Variants in SKIC2 observed in about 807,000 individuals in gnomAD.
SKIC2 encodes superkiller complex protein 2.
At chr6:31,961,196 A>G in the SKIC2 span, 1 of 1,614,070 alleles carries the variant, frequency 6.2e-7, no homozygotes, top group Non-Finnish European at 8.5e-7. Context: ...TGCTCCTCAG[A>G]TTGTCCAACT....
chr6:31,961,175 C>A, the SKIC2 span: 1 of 1,613,380 alleles, frequency 6.2e-7, no homozygotes, highest in Admixed American at 1.7e-5. Context: ...ACAAGGTTGA[C>A]CTTGTTGGCT....
chr6:31,965,727 TGG>T, the SKIC2 span: 2 of 1,080,530 alleles, frequency 1.9e-6, no homozygotes, highest in Non-Finnish European at 2.8e-6. The surrounding 1 kb of genome is among the most constrained non-coding windows in gnomAD (Gnocchi z 5.6). Context: ...TGGCCAGGGC[TGG>T]GGGTGTGTGT....
the SKIC2 span, chr6:31,968,891 T>C: frequency 0.73 from 1,174,216 of 1,612,252 alleles, 434,101 homozygotes; most frequent in African/African-American, 0.92. This position sits in a 1 kb window ranked among gnomAD's most constrained non-coding sequence, Gnocchi z 6.1. Flanking sequence ...CCCTGGGTTA[T>C]GTGGACGAGG....
chr6:31,969,328 G>A, the SKIC2 span: 3 of 1,614,244 alleles, frequency 1.9e-6, no homozygotes, highest in South Asian at 1.1e-5. This position sits in a 1 kb window ranked among gnomAD's most constrained non-coding sequence, Gnocchi z 6.1. Flanking sequence ...TGAGGTCCAG[G>A]TGGCTTGTGG....
the SKIC2 span, chr6:31,967,851 TC>T: frequency 6.2e-7 from 1 of 1,612,972 alleles, no homozygotes; most frequent in Non-Finnish European, 8.5e-7. This position sits in a 1 kb window ranked among gnomAD's most constrained non-coding sequence, Gnocchi z 4.9. Context: ...TTCAAGCTGT[TC>T]CTGCCTGAAG....
the SKIC2 span, chr6:31,960,829 A>G: frequency 9.2e-7 from 1 of 1,087,406 alleles, no homozygotes; most frequent in South Asian, 1.5e-5. Context: ...TTTTGAGAAA[A>G]TTAGAAAAAG....
chr6:31,963,276 A>C, the SKIC2 span: 2 of 888,658 alleles, frequency 2.3e-6, no homozygotes, highest in Non-Finnish European at 3.4e-6. The surrounding 1 kb of genome is among the most constrained non-coding windows in gnomAD (Gnocchi z 5.3). Context: ...TTGAAATGGG[A>C]TGAGATGTTG....
chr6:31,968,374 C>T, the SKIC2 span: 5 of 1,613,022 alleles, frequency 3.1e-6, no homozygotes, highest in African/African-American at 5.3e-5. This position sits in a 1 kb window ranked among gnomAD's most constrained non-coding sequence, Gnocchi z 6.1. Flanking sequence ...CCAGGAACTG[C>T]TGCGTCTGGC....
chr6:31,962,549 A>G, the SKIC2 span: 1 of 1,613,950 alleles, frequency 6.2e-7, no homozygotes. The surrounding 1 kb of genome is among the most constrained non-coding windows in gnomAD (Gnocchi z 5.0). Context: ...CTGCATCCGG[A>G]GGCCTCCTGC....
At chr6:31,962,323 G>A in the SKIC2 span, 2 of 1,214,438 alleles carry the variant, frequency 1.6e-6, no homozygotes, top group Non-Finnish European at 2.4e-6. This position sits in a 1 kb window ranked among gnomAD's most constrained non-coding sequence, Gnocchi z 5.0. Context: ...CAGTTTGGGT[G>A]AAGAAGAGGA....
the SKIC2 span, among the ~76,000 whole-genome samples, chr6:31,965,071 T>C: frequency 2.0e-5 from 3 of 152,176 alleles, no homozygotes; most frequent in Non-Finnish European, 2.9e-5. The surrounding 1 kb of genome is among the most constrained non-coding windows in gnomAD (Gnocchi z 5.6). Context: ...TGAGCCAAGA[T>C]AGCACCGCTG....
chr6:31,960,940 C>G, the SKIC2 span: 1 of 980,546 alleles, frequency 1.0e-6, no homozygotes, highest in Non-Finnish European at 1.6e-6. Flanking sequence ...ACATCCCTAT[C>G]TACAGCATCT....
the SKIC2 span, chr6:31,959,283 A>T: frequency 8.7e-4 from 1,396 of 1,608,454 alleles, 15 homozygotes; most frequent in Admixed American, 0.016. Flanking sequence ...CTGACTTTTG[A>T]CCTTTCCCCG....
the SKIC2 span, chr6:31,959,297 T>C: frequency 6.2e-7 from 1 of 1,613,102 alleles, no homozygotes; most frequent in South Asian, 1.1e-5. Context: ...TTCCCCGTAG[T>C]GCTACCCCCT....
At chr6:31,960,513 T>A in the SKIC2 span, 1 of 1,613,878 alleles carries the variant, frequency 6.2e-7, no homozygotes, top group Non-Finnish European at 8.5e-7. Flanking sequence ...CCAGTCCTTA[T>A]GGGGAAATCC....
the SKIC2 span, chr6:31,968,177 C>G: frequency 6.5e-7 from 1 of 1,547,190 alleles, no homozygotes; most frequent in Non-Finnish European, 8.9e-7. This position sits in a 1 kb window ranked among gnomAD's most constrained non-coding sequence, Gnocchi z 6.1. Flanking sequence ...TGAGGGAGAC[C>G]ATGAAGTGGT....
chr6:31,963,735 T>A, the SKIC2 span: 4 of 1,544,466 alleles, frequency 2.6e-6, no homozygotes, highest in Non-Finnish European at 2.6e-6. The surrounding 1 kb of genome is among the most constrained non-coding windows in gnomAD (Gnocchi z 5.3). Context: ...CCTGCACAGG[T>A]GAGAACTGGG....
At chr6:31,968,303 A>C in the SKIC2 span, 3 of 1,591,112 alleles carry the variant, frequency 1.9e-6, no homozygotes, top group Non-Finnish European at 2.6e-6. This position sits in a 1 kb window ranked among gnomAD's most constrained non-coding sequence, Gnocchi z 6.1. Flanking sequence ...CTTACCCCAG[A>C]TCTTAAGATC....
At chr6:31,967,247 C>T in the SKIC2 span, 1 of 1,610,442 alleles carries the variant, frequency 6.2e-7, no homozygotes, top group Middle Eastern at 1.7e-4. This position sits in a 1 kb window ranked among gnomAD's most constrained non-coding sequence, Gnocchi z 4.9. Flanking sequence ...TGTGATGCCT[C>T]CTCCCATCTG....
Sources: allele counts gnomAD v4.1 joint callset (sites outside exome capture counted in the v4.1 genomes callset), GRCh38; gene constraint gnomAD v4.1.1; non-coding constraint Gnocchi (gnomAD v3.1); transcripts MANE v1.5; gene names NCBI Gene and HGNC (gene_info 2026-07-23, HGNC 2026-07-21).